Variants in GUCY1A2 observed in about 807,000 individuals in gnomAD.
GUCY1A2 encodes the protein guanylate cyclase soluble subunit alpha-2.
In GUCY1A2, 27 loss-of-function variants were observed where a neutral mutation model predicts 63.5. That is an observed-to-expected ratio of 0.43 (90% CI 0.31 to 0.59). GUCY1A2 has a LOEUF of 0.59. Ranked by LOEUF, GUCY1A2 falls within the 20% of genes least tolerant of loss-of-function variation. GUCY1A2 has a pLI of 0.11. For synonymous variants in GUCY1A2, 364 were observed against 343.5 expected (o/e 1.06, Z -0.66); for missense variants, 768 against 913.3 (o/e 0.84, Z 2.05).
chr11:106,772,175 TTTTGGCTCCTA>T (rs1352167233), intron 6 of GUCY1A2, among the ~76,000 whole-genome samples: 1 of 152,196 alleles, frequency 6.6e-6, no homozygotes, highest in African/African-American at 2.4e-5. Context: ...TATATGACAA[TTTTGGCTCCTA>T]TTTCCCATCA....
chr11:106,770,253 TTATAA>T lies in GUCY1A2; in HGVS notation c.1836+6181_1836+6185del, dbSNP rs1441445248. Among the ~76,000 whole-genome samples, 4 of 152,240 alleles carry T rather than the reference TTATAA, an allele frequency of 2.6e-5. No individual in the cohort carries two copies. In the East Asian group the frequency reaches 7.7e-4, roughly 29 times the overall value. The stretch of plus-strand genomic sequence containing the variant: ...AATCTTTAAATCCCCTGTAGATTAC[TTATAA>T]TATGTAACGTGTTGTAAATAATGAG... On this transcript the variant is annotated intron_variant, in intron 6 of 7. Transcript: ENST00000526355.
At position 107,017,745 on chromosome 11, in the gene GUCY1A2, C is replaced by T. The variant is rs553620333; in HGVS notation, c.303+8G>A. 8.6e-6 allele frequency: 12 copies of T among 1,388,928 alleles called. No homozygotes were observed. The South Asian group carries it at 1.8e-4, about 21-fold the overall frequency. The allele number at this position is 1,388,928 out of a possible 1,614,324, so 86.0% of individuals were successfully genotyped here. A position where few individuals can be genotyped will look rare whatever the true frequency, so the allele number is the denominator to read the frequency against. ...CGAAGGCGGTCCCCCCTTCCGCCCC[C>T]CGCTCACCGAGGGCGCCGTCAGGCG... On this transcript the variant is annotated splice_region_variant and intron_variant, in intron 1 of 7. Coordinates refer to ENST00000526355, the MANE Select transcript of GUCY1A2 (RefSeq NM_000855.3).
At chr11:106,935,868 A>G (rs965374719) in intron 4 of GUCY1A2, among the ~76,000 whole-genome samples, 7 of 151,898 alleles carry the variant, frequency 4.6e-5, no homozygotes, top group African/African-American at 1.7e-4. Context: ...AAATTAAAAA[A>G]AAAATTAAAA....
chr11:106,726,091 A>G (rs1481876390), intron 6 of GUCY1A2, among the ~76,000 whole-genome samples: 1 of 152,184 alleles, frequency 6.6e-6, no homozygotes, highest in African/African-American at 2.4e-5. Flanking sequence ...TTGTGATAAC[A>G]CTGCATCCTC....
chr11:106,705,098 G>A (rs1862885476), intron 7 of GUCY1A2, among the ~76,000 whole-genome samples: 2 of 151,996 alleles, frequency 1.3e-5, no homozygotes, highest in Admixed American at 6.6e-5. Flanking sequence ...GTAATGTCAT[G>A]TAAATAATGT....
At chr11:106,924,397 G>A (rs1379041941) in intron 4 of GUCY1A2, among the ~76,000 whole-genome samples, 1 of 151,986 alleles carries the variant, frequency 6.6e-6, no homozygotes, top group African/African-American at 2.4e-5. Flanking sequence ...ACTTTATACA[G>A]AGCCTATCAT....
intron 4 of GUCY1A2, among the ~76,000 whole-genome samples, chr11:106,858,745 C>G (rs1859470663): frequency 6.6e-6 from 1 of 152,058 alleles, no homozygotes; most frequent in Admixed American, 6.6e-5. Flanking sequence ...AGGCCTAAAT[C>G]TAGAAGACAA....
At chr11:106,881,167 C>T (rs957782856) in intron 4 of GUCY1A2, among the ~76,000 whole-genome samples, 1 of 152,064 alleles carries the variant, frequency 6.6e-6, no homozygotes, top group Non-Finnish European at 1.5e-5. Context: ...CCAATTGGCA[C>T]ATCCCTTTTA....
At chr11:106,759,114 T>C (rs937475705) in intron 6 of GUCY1A2, among the ~76,000 whole-genome samples, 2 of 151,418 alleles carry the variant, frequency 1.3e-5, no homozygotes, top group Non-Finnish European at 2.9e-5. Flanking sequence ...AACATACCCA[T>C]GTAACAAACA....
intron 3 of GUCY1A2, among the ~76,000 whole-genome samples, chr11:106,941,985 A>T (rs1278650648): frequency 1.3e-5 from 2 of 152,216 alleles, no homozygotes; most frequent in African/African-American, 4.8e-5. Flanking sequence ...CCAGGTTACA[A>T]GACTGCTCTT....
chr11:106,962,304 C>A (rs1861067821), intron 3 of GUCY1A2, among the ~76,000 whole-genome samples: 1 of 151,946 alleles, frequency 6.6e-6, no homozygotes, highest in Non-Finnish European at 1.5e-5. Flanking sequence ...GTAATCCCAG[C>A]ACTTTGGGAG....
chr11:106,873,096 A>G (rs1859702532), intron 4 of GUCY1A2, among the ~76,000 whole-genome samples: 1 of 152,192 alleles, frequency 6.6e-6, no homozygotes, highest in Admixed American at 6.5e-5. Flanking sequence ...AAAGGACATG[A>G]TCTCATTCCT....
In GUCY1A2 at chr11:106,899,541, T is replaced by C. The variant is rs566009576; in HGVS notation, c.1206+39919A>G. Among the ~76,000 whole-genome samples the C allele has an allele frequency of 3.3e-5, 5 of 152,284 alleles. No homozygotes were observed. The East Asian group carries it at 9.7e-4, about 29-fold the overall frequency. On this transcript the variant is annotated intron_variant, in intron 4 of 7. Coordinates refer to ENST00000526355, the MANE Select transcript of GUCY1A2 (RefSeq NM_000855.3). ...GTCTACATAATATCAGAACAACAAC[T>C]ACAGAGAGAAAATTCAAGCAACCTG... is the stretch of plus-strand genomic sequence containing the variant.
At chr11:106,976,921 G>A (rs1410265621) in intron 3 of GUCY1A2, among the ~76,000 whole-genome samples, 1 of 128,124 alleles carries the variant, frequency 7.8e-6, no homozygotes, top group East Asian at 2.5e-4. Context: ...GGCCAACAGT[G>A]TCCCCTGAAA....
chr11:106,945,692 C>T (rs1032662953), intron 3 of GUCY1A2, among the ~76,000 whole-genome samples: 2 of 152,178 alleles, frequency 1.3e-5, no homozygotes, highest in African/African-American at 2.4e-5. Flanking sequence ...AGGCCGGGTG[C>T]GGTGGCTTAC....
intron 4 of GUCY1A2, among the ~76,000 whole-genome samples, chr11:106,877,325 C>G (rs1859764011): frequency 6.6e-6 from 1 of 151,990 alleles, no homozygotes; most frequent in African/African-American, 2.4e-5. Flanking sequence ...TCTCTCTTGC[C>G]TGATTTCTCT....
At chr11:106,766,498 A>G (rs1013211405) in intron 6 of GUCY1A2, among the ~76,000 whole-genome samples, 1 of 152,122 alleles carries the variant, frequency 6.6e-6, no homozygotes, top group African/African-American at 2.4e-5. Flanking sequence ...ATTGGTTGGT[A>G]AATTATAGGT....
At chr11:106,872,234 C>T (rs1859689391) in intron 4 of GUCY1A2, among the ~76,000 whole-genome samples, 1 of 152,130 alleles carries the variant, frequency 6.6e-6, no homozygotes, top group Admixed American at 6.6e-5. Flanking sequence ...GCAGAATCAA[C>T]ACAGGAGTGA....
chr11:106,833,415 G>A (rs999596973), intron 4 of GUCY1A2, among the ~76,000 whole-genome samples: 1 of 152,036 alleles, frequency 6.6e-6, no homozygotes, highest in South Asian at 2.1e-4. Flanking sequence ...TCCACAGAAT[G>A]CATTAAGAAA....
Sources: allele counts gnomAD v4.1 joint callset (sites outside exome capture counted in the v4.1 genomes callset), GRCh38; gene constraint gnomAD v4.1.1; transcripts MANE v1.5; gene names NCBI Gene and HGNC (gene_info 2026-07-23, HGNC 2026-07-21).